Variants in TRIM37 observed in about 807,000 individuals in gnomAD.
TRIM37 encodes E3 ubiquitin-protein ligase TRIM37.
TRIM37 carries 80 observed loss-of-function variants against 129.8 expected under a neutral mutation model. That is an observed-to-expected ratio of 0.62 (90% confidence interval 0.51 to 0.74). The LOEUF is 0.74. TRIM37 is among the 30% of genes least tolerant of loss of function. TRIM37 has a pLI of 0.00. For synonymous variants in TRIM37, 389 were observed against 387.1 expected (o/e 1.00, Z -0.06); for missense variants, 1,054 against 1,176.5 (o/e 0.90, Z 1.52).
At chr17:59,021,192 G>C (rs1272528623) in intron 19 of TRIM37, among the ~76,000 whole-genome samples, 2 of 152,132 alleles carry the variant, frequency 1.3e-5, no homozygotes. Context: ...AGGAGTTTGA[G>C]ACCAGCCTGA....
chr17:58,970,321 A>G, the TRIM37 span, among the ~76,000 whole-genome samples: 1 of 152,184 alleles, frequency 6.6e-6, no homozygotes. Context: ...AATAAATGGC[A>G]AGGGCTCTAT....
chr17:58,969,549 A>G, the TRIM37 span: 1 of 1,614,186 alleles, frequency 6.2e-7, no homozygotes, highest in Non-Finnish European at 8.5e-7. Flanking sequence ...GACCAGGAAG[A>G]ACAAGCTTAC....
intron 22 of TRIM37, among the ~76,000 whole-genome samples, chr17:59,010,299 G>A (rs910508310): frequency 2.0e-5 from 3 of 152,122 alleles, no homozygotes; most frequent in Admixed American, 2.0e-4. Flanking sequence ...GTTAACAGCT[G>A]AGGATGCTGC....
intron 22 of TRIM37, 83 bp downstream of exon 22, chr17:59,012,227 GCACCACCACCACCACCAC>G: frequency 1.6e-6 from 1 of 610,752 alleles, no homozygotes; most frequent in Non-Finnish European, 2.9e-6. Flanking sequence ...AGCAGCAGCA[GCACCACCACCACCACCAC>G]CACCACCACC....
At chr17:59,040,186 G>A (rs879313696) in intron 17 of TRIM37, among the ~76,000 whole-genome samples, 5 of 152,214 alleles carry the variant, frequency 3.3e-5, no homozygotes, top group Admixed American at 6.5e-5. Context: ...GATTACAGGC[G>A]TGAGTCACCA....
At chr17:58,969,142 G>GA in the TRIM37 span, among the ~76,000 whole-genome samples, 2 of 151,888 alleles carry the variant, frequency 1.3e-5, no homozygotes, top group South Asian at 2.1e-4. Context: ...CTTTCATTTT[G>GA]AAAAAAATCA....
chr17:59,056,571 TAG>T (rs2040893661), intron 13 of TRIM37, among the ~76,000 whole-genome samples: 1 of 150,696 alleles, frequency 6.6e-6, no homozygotes, highest in Non-Finnish European at 1.5e-5. Flanking sequence ...CTACTAAAAA[TAG>T]TAAAAAATTA....
In TRIM37 at chr17:59,060,516, G is replaced by A. The variant is rs143544298; in HGVS notation, c.1019+516C>T. On this transcript the variant is annotated intron_variant, in intron 12 of 23. Coordinates refer to ENST00000262294, the MANE Select transcript of TRIM37 (RefSeq NM_015294.6). ...CATTTAACAACCTACCACTTGTTCA[G>A]TTTGGATGTAATATCAAAGAAGATC... is the stretch of plus-strand genomic sequence containing the variant. Among the ~76,000 whole-genome samples, 30 of 152,024 alleles carry A rather than the reference G, an allele frequency of 2.0e-4. No individual in the cohort carries two copies. In the East Asian group the frequency reaches 5.8e-3, roughly 29 times the overall value.
chr17:59,073,104 C>T (rs1010843861), intron 8 of TRIM37: 4 of 152,080 alleles, frequency 2.6e-5, no homozygotes, highest in East Asian at 1.9e-4. Flanking sequence ...TGTGTATATC[C>T]TTCCTTGACA....
chr17:59,087,606 A>G (rs1050924206), intron 4 of TRIM37, among the ~76,000 whole-genome samples: 5 of 151,702 alleles, frequency 3.3e-5, no homozygotes, highest in Admixed American at 2.6e-4. Flanking sequence ...TCTTATTTCT[A>G]TGGTTCTATT....
chr17:59,018,723 T>G (rs972964209), intron 19 of TRIM37, among the ~76,000 whole-genome samples: 33 of 139,600 alleles, frequency 2.4e-4, no homozygotes, highest in African/African-American at 6.8e-4. Context: ...AGTAGCTGTG[T>G]TTTTTTTTTT....
chr17:59,056,849 C>A, intron 13 of TRIM37, 26 bp downstream of exon 13: 1 of 1,533,000 alleles, frequency 6.5e-7, no homozygotes, highest in Non-Finnish European at 8.9e-7. Context: ...ACAATAAAAA[C>A]CACAACATCA....
chr17:59,054,768 G>A (rs1207262826), intron 13 of TRIM37, among the ~76,000 whole-genome samples: 2 of 152,070 alleles, frequency 1.3e-5, no homozygotes, highest in Non-Finnish European at 2.9e-5. Flanking sequence ...GGATTCAAGC[G>A]ATTCTCCTGC....
At chr17:59,079,705 A>G (rs1048243897) in intron 7 of TRIM37, 49 bp downstream of exon 7, 14 of 1,611,392 alleles carry the variant, frequency 8.7e-6, no homozygotes, top group Non-Finnish European at 1.1e-5. Context: ...ACTGAATCTC[A>G]AAGAAGCTGA....
chr17:59,010,142 A>C (rs568237051), intron 22 of TRIM37, among the ~76,000 whole-genome samples: 1 of 152,300 alleles, frequency 6.6e-6, no homozygotes, highest in South Asian at 2.1e-4. Flanking sequence ...AGTGATTCTC[A>C]AGGAGTGGTC....
chr17:59,002,216 T>C (rs765751112), intron 22 of TRIM37, among the ~76,000 whole-genome samples: 4 of 152,220 alleles, frequency 2.6e-5, no homozygotes, highest in Non-Finnish European at 5.9e-5. Context: ...TTTTTTTGTG[T>C]ATGTCGGTTG....
At chr17:59,072,335 C>T (rs2042443722) in intron 8 of TRIM37, among the ~76,000 whole-genome samples, 1 of 152,130 alleles carries the variant, frequency 6.6e-6, no homozygotes, top group Non-Finnish European at 1.5e-5. Flanking sequence ...GCCTAGCAAG[C>T]TAATATACTA....
chr17:59,030,451 T>C (rs2037727838), intron 18 of TRIM37, among the ~76,000 whole-genome samples: 1 of 152,216 alleles, frequency 6.6e-6, no homozygotes, highest in African/African-American at 2.4e-5. Flanking sequence ...TCTAATTTGA[T>C]GTCACACTGT....
At chr17:58,982,621 G>A, downstream of TRIM37, 1 of 398,382 alleles carries the variant, frequency 2.5e-6, no homozygotes, top group Non-Finnish European at 4.5e-6. Flanking sequence ...ATATCAAATA[G>A]ACAAAAACAG....
Sources: allele counts gnomAD v4.1 joint callset (sites outside exome capture counted in the v4.1 genomes callset), GRCh38; gene constraint gnomAD v4.1.1; transcripts MANE v1.5; gene names NCBI Gene and HGNC (gene_info 2026-07-23, HGNC 2026-07-21).